MTSS1: variants seen among roughly 807,000 people sequenced by gnomAD.
MTSS1 encodes MTSS I-BAR domain containing 1.
Under a neutral mutation model 79.0 loss-of-function variants are expected in MTSS1, and 18 were observed. That is an observed-to-expected ratio of 0.23 (90% CI 0.16 to 0.34). MTSS1 has a LOEUF of 0.34. Among genes scored for constraint, MTSS1 ranks in the 10% least tolerant of loss-of-function variants. The pLI, the probability that MTSS1 is intolerant of heterozygous loss-of-function variation, is 1.00. For synonymous variants in MTSS1, 341 were observed against 368.6 expected (o/e 0.93, Z 0.86); for missense variants, 815 against 986.2 (o/e 0.83, Z 2.33).
chr8:124,555,044 C>T (rs747751830), intron 13 of MTSS1, among the ~76,000 whole-genome samples: 4 of 152,136 alleles, frequency 2.6e-5, no homozygotes, highest in Non-Finnish European at 4.4e-5. Context: ...AGAGTTTTGC[C>T]ATGTTTCCCA....
chr8:124,711,692 A>G (rs1831188168), intron 1 of MTSS1, among the ~76,000 whole-genome samples: 1 of 152,170 alleles, frequency 6.6e-6, no homozygotes, highest in Non-Finnish European at 1.5e-5. Context: ...GGAAATGGTC[A>G]GGACCCCCAA....
chr8:124,623,806 A>C (rs1255820435), intron 3 of MTSS1, among the ~76,000 whole-genome samples: 1 of 151,982 alleles, frequency 6.6e-6, no homozygotes, highest in Non-Finnish European at 1.5e-5. Context: ...CACCCGACTA[A>C]TTTTTGTATT....
intron 3 of MTSS1, among the ~76,000 whole-genome samples, chr8:124,656,291 G>T (rs1394755420): frequency 6.6e-6 from 1 of 152,148 alleles, no homozygotes; most frequent in African/African-American, 2.4e-5. Flanking sequence ...AACTGGCAAG[G>T]AGGACAGGTG....
At chr8:124,671,051 C>CT (rs11368930) in intron 3 of MTSS1, among the ~76,000 whole-genome samples, 12,317 of 145,634 alleles carry the variant, frequency 0.085, 1,630 homozygotes, top group African/African-American at 0.28. Context: ...TTTTCTTTTT[C>CT]TTTTTTTCCT....
intron 3 of MTSS1, among the ~76,000 whole-genome samples, chr8:124,613,337 A>G (rs760733310): frequency 1.3e-5 from 2 of 152,204 alleles, no homozygotes; most frequent in Non-Finnish European, 2.9e-5. Context: ...TAATCCAAGT[A>G]GGATGCTGAG....
rs1326202499 is a variant in MTSS1 at position 124,553,280 on chromosome 8, CATGCTGGTG to C, written c.1971_1979del (p.Thr658_Met660del). The C allele has an allele frequency of 6.2e-7, 1 of 1,614,034 alleles. No homozygotes were observed. The highest frequency in any genetic ancestry group is 1.7e-5 in the Admixed American group (1 of 60,002). On this transcript the variant is annotated inframe_deletion, in exon 14 of 14. Transcript: ENST00000518547. The surrounding 1 kb of genome is among the most constrained non-coding windows in gnomAD (Gnocchi z 6.0). ...CTTGGCCGCTCCACATTGAGGAGGG[CATGCTGGTG>C]ACACCTTGGGGGCCCTCACCCACAG...
At chr8:124,579,022 CA>C (rs1282907739) in intron 6 of MTSS1, among the ~76,000 whole-genome samples, 1 of 152,046 alleles carries the variant, frequency 6.6e-6, no homozygotes, top group Non-Finnish European at 1.5e-5. Context: ...GCCTATGAAC[CA>C]GCCCCTACAA....
At chr8:124,568,689 C>T in intron 6 of MTSS1, 153 bp from the exon 7 acceptor site, 5 of 1,472,478 alleles carry the variant, frequency 3.4e-6, no homozygotes, top group Non-Finnish European at 4.6e-6. Flanking sequence ...TTTAAGGCAG[C>T]TGTTTTTCTA....
At chr8:124,634,003 G>GTT (rs1816518013) in intron 3 of MTSS1, among the ~76,000 whole-genome samples, 1 of 152,096 alleles carries the variant, frequency 6.6e-6, no homozygotes, top group Non-Finnish European at 1.5e-5. Context: ...ATGTATCAAA[G>GTT]TATAAATTCA....
At chr8:124,581,676 G>T (rs547265628) in intron 6 of MTSS1, among the ~76,000 whole-genome samples, 5 of 151,944 alleles carry the variant, frequency 3.3e-5, no homozygotes, top group Admixed American at 6.6e-5. Context: ...GGATGGTCTC[G>T]ATTTCTTGAC....
chr8:124,659,023 G>A (rs1214423602), intron 3 of MTSS1, among the ~76,000 whole-genome samples: 1 of 152,140 alleles, frequency 6.6e-6, no homozygotes, highest in African/African-American at 2.4e-5. Context: ...TATTTCAAAT[G>A]AATCTGAACA....
intron 2 of MTSS1, among the ~76,000 whole-genome samples, chr8:124,700,427 G>C (rs1258249500): frequency 6.6e-6 from 1 of 152,126 alleles, no homozygotes; most frequent in Non-Finnish European, 1.5e-5. Flanking sequence ...GCTGGGACAA[G>C]TATCCCAGCC....
intron 6 of MTSS1, among the ~76,000 whole-genome samples, chr8:124,583,978 G>A (rs1056777776): frequency 3.3e-5 from 5 of 152,220 alleles, no homozygotes; most frequent in Non-Finnish European, 4.4e-5. Flanking sequence ...GAAAGAAACT[G>A]CTGGGGCCAA....
intron 6 of MTSS1, among the ~76,000 whole-genome samples, chr8:124,583,341 A>G (rs1338463091): frequency 6.6e-6 from 1 of 152,206 alleles, no homozygotes; most frequent in South Asian, 2.1e-4. Context: ...TATGGGTCCC[A>G]TATCTTCCTA....
At chr8:124,699,771 C>T (rs909032950) in intron 2 of MTSS1, among the ~76,000 whole-genome samples, 172 bp from the exon 3 acceptor site, 3 of 152,178 alleles carry the variant, frequency 2.0e-5, no homozygotes, top group African/African-American at 7.2e-5. Flanking sequence ...CCAAGTACTC[C>T]ACCCGAATAA....
chr8:124,638,174 G>A (rs1423602110), intron 3 of MTSS1, among the ~76,000 whole-genome samples: 1 of 152,192 alleles, frequency 6.6e-6, no homozygotes, highest in African/African-American at 2.4e-5. Flanking sequence ...GAAGAATGTG[G>A]CCTTTAACAA....
At chr8:124,618,675 C>T (rs1812874565) in intron 3 of MTSS1, among the ~76,000 whole-genome samples, 2 of 152,234 alleles carry the variant, frequency 1.3e-5, no homozygotes, top group Non-Finnish European at 2.9e-5. Flanking sequence ...TGCCTTCACA[C>T]TGGCTCTGCA....
intron 3 of MTSS1, among the ~76,000 whole-genome samples, chr8:124,663,794 C>T (rs1026842634): frequency 3.3e-5 from 5 of 152,132 alleles, no homozygotes; most frequent in East Asian, 3.9e-4. Flanking sequence ...ATGAGTAAGA[C>T]GTGGTCCCAT....
intron 9 of MTSS1, among the ~76,000 whole-genome samples, chr8:124,565,415 A>G (rs1032076444): frequency 1.3e-5 from 2 of 152,254 alleles, no homozygotes; most frequent in African/African-American, 4.8e-5. Context: ...AAATCCCTAC[A>G]ACATACAAGT....
Sources: gnomAD v4.1 joint callset for allele counts (sites outside exome capture counted in the v4.1 genomes callset) on GRCh38, gnomAD v4.1.1 for gene constraint, Gnocchi (gnomAD v3.1) non-coding constraint, MANE v1.5 for transcripts, NCBI Gene and HGNC (gene_info 2026-07-23, HGNC 2026-07-21) for gene names.